Variants in PIBF1 observed in about 807,000 individuals in gnomAD.
PIBF1 encodes the protein progesterone-induced-blocking factor 1.
A neutral mutation model predicts 112.5 loss-of-function variants in PIBF1; 90 were observed. That is an observed-to-expected ratio of 0.80 (90% CI 0.67 to 0.95). PIBF1 has a LOEUF of 0.95. PIBF1 is among the 40% of genes least tolerant of loss of function. PIBF1 has a pLI of 0.00. For synonymous variants in PIBF1, 301 were observed against 288.6 expected (o/e 1.04, Z -0.44); for missense variants, 915 against 852.3 (o/e 1.07, Z -0.92).
chr13:72,894,175 C>T (rs756886342), intron 11 of PIBF1, among the ~76,000 whole-genome samples: 26 of 150,644 alleles, frequency 1.7e-4, no homozygotes, highest in Non-Finnish European at 3.5e-4. Flanking sequence ...ACAATAGCAA[C>T]CAAAAATATA....
chr13:72,986,738 C>T (rs1310080065), intron 16 of PIBF1, among the ~76,000 whole-genome samples: 3 of 139,570 alleles, frequency 2.1e-5, no homozygotes, highest in African/African-American at 5.4e-5. Context: ...GGCCGGACTG[C>T]GGACTGCAGT....
At chr13:72,859,311 G>C (rs913985785) in intron 10 of PIBF1, among the ~76,000 whole-genome samples, 9 of 152,032 alleles carry the variant, frequency 5.9e-5, no homozygotes, top group Non-Finnish European at 1.3e-4. Flanking sequence ...AGGGAACAAG[G>C]GATTTGATAA....
chr13:72,998,969 A>G lies in PIBF1; in HGVS notation c.2197A>G (p.Ile733Val), dbSNP rs143805083. Residue 733 changes from isoleucine (I) to valine (V), a missense_variant, in exon 17 of 18, where the codon ATA becomes GTA. Transcript: ENST00000326291. The stretch of plus-strand genomic sequence containing the variant: ...TGTGCCTAAAGAGCATGAAGACAAT[A>G]TATTTACACCTAAACCAACACTCTT... ...LNVPKEHEDN[I>V]FTPKPTLFTK... 1 of 1,606,258 alleles carries G rather than the reference A, an allele frequency of 6.2e-7. No homozygotes were observed. The highest frequency in any genetic ancestry group is 1.7e-5 in the Admixed American group (1 of 59,452).
intron 14 of PIBF1, among the ~76,000 whole-genome samples, chr13:72,960,274 G>A (rs567624696): frequency 1.3e-5 from 2 of 152,266 alleles, no homozygotes; most frequent in African/African-American, 4.8e-5. Flanking sequence ...AGCCGGGCAT[G>A]GTGGTGCATG....
intron 11 of PIBF1, among the ~76,000 whole-genome samples, chr13:72,904,586 G>A (rs1357183620): frequency 6.6e-6 from 1 of 150,696 alleles, no homozygotes; most frequent in African/African-American, 2.4e-5. Flanking sequence ...GACTACAGGC[G>A]CACGCTACCA....
chr13:73,002,593 T>C (rs1244878920), intron 17 of PIBF1, among the ~76,000 whole-genome samples: 1 of 152,198 alleles, frequency 6.6e-6, no homozygotes, highest in Non-Finnish European at 1.5e-5. Flanking sequence ...ATACTCAGGA[T>C]TCACATCATT....
chr13:72,848,176 A>C (rs1403037244), intron 9 of PIBF1, among the ~76,000 whole-genome samples: 1 of 152,184 alleles, frequency 6.6e-6, no homozygotes, highest in Non-Finnish European at 1.5e-5. Flanking sequence ...CTGAGGCATT[A>C]GGGATGTTTA....
chr13:73,004,317 C>G (rs1011847475), intron 17 of PIBF1, among the ~76,000 whole-genome samples: 1 of 151,880 alleles, frequency 6.6e-6, no homozygotes, highest in Non-Finnish European at 1.5e-5. Context: ...ATGGTGAAAC[C>G]TCATCTCTAC....
At chr13:72,968,425 C>T (rs551338240) in intron 15 of PIBF1, among the ~76,000 whole-genome samples, 2 of 151,576 alleles carry the variant, frequency 1.3e-5, no homozygotes, top group South Asian at 4.2e-4. Flanking sequence ...CTCAGCCTCC[C>T]GAGTAGCTGG....
intron 12 of PIBF1, among the ~76,000 whole-genome samples, chr13:72,911,891 A>T (rs898011270): frequency 7.2e-5 from 11 of 152,070 alleles, no homozygotes; most frequent in Admixed American, 5.9e-4. Flanking sequence ...ACACTTTGGG[A>T]GGCTGAGGCA....
intron 14 of PIBF1, among the ~76,000 whole-genome samples, chr13:72,951,996 CTTTAATTTCT>C (rs1337544848): frequency 5.3e-5 from 8 of 149,982 alleles, no homozygotes; most frequent in South Asian, 2.1e-4. Flanking sequence ...CTGCATCCAG[CTTTAATTTCT>C]TTTAATTTCT....
chr13:72,792,023 C>T (rs1452663154), intron 2 of PIBF1, among the ~76,000 whole-genome samples: 2 of 151,844 alleles, frequency 1.3e-5, no homozygotes, highest in African/African-American at 2.4e-5. Context: ...AGGCCAGGCG[C>T]GGTGGCTCAT....
chr13:72,904,543 C>T (rs1341616913), intron 11 of PIBF1, among the ~76,000 whole-genome samples: 2 of 144,404 alleles, frequency 1.4e-5, no homozygotes, highest in African/African-American at 2.5e-5. Context: ...CAGGTTCAAG[C>T]GATTCTTGTG....
At chr13:72,895,034 G>A (rs1009701395) in intron 11 of PIBF1, among the ~76,000 whole-genome samples, 1 of 151,486 alleles carries the variant, frequency 6.6e-6, no homozygotes, top group Non-Finnish European at 1.5e-5. Context: ...GAGACAGGGA[G>A]GATTGCTTAA....
chr13:72,793,810 T>G (rs955842391), intron 3 of PIBF1, among the ~76,000 whole-genome samples: 1 of 152,182 alleles, frequency 6.6e-6, no homozygotes, highest in African/African-American at 2.4e-5. Context: ...TTCTGTCAGC[T>G]AAGAAGAAAG....
intron 6 of PIBF1, among the ~76,000 whole-genome samples, chr13:72,825,426 T>C (rs1313381632): frequency 1.3e-5 from 2 of 152,308 alleles, no homozygotes; most frequent in Non-Finnish European, 2.9e-5. Context: ...TGTATACACA[T>C]ATAGATACAT....
chr13:72,931,938 CTTTTTTTT>C (rs59274277), intron 14 of PIBF1, among the ~76,000 whole-genome samples: 1 of 100,836 alleles, frequency 9.9e-6, no homozygotes, highest in Admixed American at 1.2e-4. Context: ...TTGTTTCTTT[CTTTTTTTT>C]TTTTTTTTTT....
At chr13:72,909,641 G>A (rs75316398) in intron 12 of PIBF1, among the ~76,000 whole-genome samples, 29,624 of 151,722 alleles carry the variant, frequency 0.2, 3,029 homozygotes, top group Middle Eastern at 0.27. Flanking sequence ...TTACAGGCAT[G>A]CGCCACCACA....
At chr13:72,927,271 C>T (rs895342330) in intron 13 of PIBF1, among the ~76,000 whole-genome samples, 2 of 151,846 alleles carry the variant, frequency 1.3e-5, no homozygotes, top group Non-Finnish European at 2.9e-5. Flanking sequence ...TATGGGAGGC[C>T]GAGGTGGGCG....
Sources: gnomAD v4.1 joint callset for allele counts (sites outside exome capture counted in the v4.1 genomes callset) on GRCh38, gnomAD v4.1.1 for gene constraint, MANE v1.5 for transcripts, NCBI Gene and HGNC (gene_info 2026-07-23, HGNC 2026-07-21) for gene names.